CSMD1: variants seen among roughly 807,000 people sequenced by gnomAD.
The protein encoded by CSMD1 is CUB and sushi domain-containing protein 1.
CSMD1 carries 213 observed loss-of-function variants against 417.5 expected under a neutral mutation model. That is an observed-to-expected ratio of 0.51 (90% CI 0.46 to 0.57). The LOEUF is 0.57. CSMD1 is among the 20% of genes least tolerant of loss of function. The pLI, the probability that CSMD1 is intolerant of heterozygous loss-of-function variation, is 0.00. For synonymous variants in CSMD1, 2,862 were observed against 1,736.8 expected (o/e 1.65, Z -16.11); for missense variants, 6,923 against 4,529.7 (o/e 1.53, Z -15.17).
intron 25 of CSMD1, among the ~76,000 whole-genome samples, chr8:3,294,118 G>A (rs1271700413): frequency 6.6e-6 from 1 of 152,194 alleles, no homozygotes; most frequent in Admixed American, 6.5e-5. Flanking sequence ...CTGGGTATCA[G>A]CAGCAGAGAC....
In CSMD1 at chr8:3,802,906, A is replaced by T. The variant is rs140734673; in HGVS notation, c.819-48864T>A. On this transcript the variant is annotated intron_variant, in intron 5 of 69. Transcript: ENST00000635120. ...AAGAATAGTTTGATTTGACAAAGGAAAACAGGAATTTTGAAAGAACCTACA... is the reference window on the plus strand; with the variant it reads ...AAGAATAGTTTGATTTGACAAAGGATAACAGGAATTTTGAAAGAACCTACA... Among the ~76,000 whole-genome samples the T allele has an allele frequency of 7.2e-5, 11 of 152,314 alleles. No homozygotes were observed. In the East Asian group the frequency reaches 2.1e-3, roughly 29 times the overall value.
chr8:3,441,510 T>C (rs868724231), intron 12 of CSMD1, among the ~76,000 whole-genome samples: 13 of 147,044 alleles, frequency 8.8e-5, no homozygotes, highest in South Asian at 4.3e-4. Flanking sequence ...TATATATATA[T>C]ACACACACAC....
At chr8:3,977,796 A>G (rs1175412271) in intron 5 of CSMD1, among the ~76,000 whole-genome samples, 1 of 152,338 alleles carries the variant, frequency 6.6e-6, no homozygotes, top group East Asian at 1.9e-4. Flanking sequence ...CCAGGCTTTC[A>G]TTACCTATTT....
chr8:4,441,346 C>A (rs986987987), intron 2 of CSMD1, among the ~76,000 whole-genome samples: 1 of 149,766 alleles, frequency 6.7e-6, no homozygotes, highest in Non-Finnish European at 1.5e-5. Flanking sequence ...CAGCTGGCCC[C>A]AAGCAATCCT....
intron 2 of CSMD1, among the ~76,000 whole-genome samples, chr8:4,590,963 G>A (rs574170226): frequency 6.6e-6 from 1 of 152,146 alleles, no homozygotes; most frequent in Admixed American, 6.5e-5. Flanking sequence ...AACACACCTG[G>A]TTGCTGTCTT....
chr8:4,430,811 C>G (rs1380952576), intron 2 of CSMD1, among the ~76,000 whole-genome samples: 1 of 152,132 alleles, frequency 6.6e-6, no homozygotes, highest in African/African-American at 2.4e-5. Flanking sequence ...CAGCGTTTTT[C>G]CTGTCAATTG....
At chr8:3,905,592 C>A (rs1387405426) in intron 5 of CSMD1, among the ~76,000 whole-genome samples, 2 of 152,230 alleles carry the variant, frequency 1.3e-5, no homozygotes, top group Non-Finnish European at 2.9e-5. Context: ...GGACCCCACA[C>A]CCAGAGTTTC....
intron 1 of CSMD1, among the ~76,000 whole-genome samples, chr8:4,952,257 T>C (rs184411042): frequency 4.6e-5 from 7 of 152,088 alleles, no homozygotes; most frequent in Admixed American, 2.6e-4. Flanking sequence ...TTCTATAAGA[T>C]AAACTATTAT....
intron 39 of CSMD1, among the ~76,000 whole-genome samples, chr8:3,155,201 T>A (rs1358397823): frequency 6.6e-6 from 1 of 151,972 alleles, no homozygotes; most frequent in Non-Finnish European, 1.5e-5. Flanking sequence ...TAGAATTGAT[T>A]TCATTGTGAA....
At chr8:3,415,295 T>G (rs926329835) in intron 12 of CSMD1, among the ~76,000 whole-genome samples, 1 of 152,198 alleles carries the variant, frequency 6.6e-6, no homozygotes, top group Non-Finnish European at 1.5e-5. Context: ...TTTTCAAGAA[T>G]ATAATACATT....
intron 29 of CSMD1, among the ~76,000 whole-genome samples, chr8:3,215,200 C>T (rs11988224): frequency 0.3 from 46,182 of 152,014 alleles, 7,339 homozygotes; most frequent in African/African-American, 0.41. Context: ...CGAATAACAA[C>T]AGACAGACTT....
At chr8:3,944,728 C>A (rs1811108835) in intron 5 of CSMD1, among the ~76,000 whole-genome samples, 1 of 152,086 alleles carries the variant, frequency 6.6e-6, no homozygotes, top group African/African-American at 2.4e-5. Flanking sequence ...GACAATATTT[C>A]AAAATAATGC....
chr8:4,762,614 G>A (rs977102768), intron 1 of CSMD1, among the ~76,000 whole-genome samples: 2 of 151,944 alleles, frequency 1.3e-5, no homozygotes, highest in Non-Finnish European at 2.9e-5. Context: ...CTGAGTGATG[G>A]GCCCCGCATT....
At chr8:3,445,321 G>C (rs1815230103) in intron 12 of CSMD1, among the ~76,000 whole-genome samples, 1 of 152,054 alleles carries the variant, frequency 6.6e-6, no homozygotes, top group East Asian at 1.9e-4. Context: ...ATATATCCTG[G>C]GTACCTATCA....
At chr8:3,284,067 A>G in intron 26 of CSMD1, 77 bp downstream of exon 26, 1 of 1,178,978 alleles carries the variant, frequency 8.5e-7, no homozygotes, top group Non-Finnish European at 1.2e-6. Context: ...ACGCTGGTGA[A>G]TATAAATGGA....
chr8:3,726,522 T>G (rs1802507217), intron 6 of CSMD1, among the ~76,000 whole-genome samples: 1 of 152,168 alleles, frequency 6.6e-6, no homozygotes, highest in South Asian at 2.1e-4. Context: ...ACACCTTTAT[T>G]CTCTTGCATA....
At chr8:4,424,915 T>C (rs1231266858) in intron 2 of CSMD1, among the ~76,000 whole-genome samples, 4 of 152,040 alleles carry the variant, frequency 2.6e-5, no homozygotes, top group Non-Finnish European at 4.4e-5. Context: ...CATTAAATAA[T>C]TAAATACATT....
intron 1 of CSMD1, among the ~76,000 whole-genome samples, chr8:4,879,160 T>C (rs1356109188): frequency 6.6e-6 from 1 of 151,852 alleles, no homozygotes; most frequent in African/African-American, 2.4e-5. Context: ...TTAAAAAATA[T>C]AATAAAGGAA....
chr8:4,712,392 T>G (rs541805235), intron 1 of CSMD1, among the ~76,000 whole-genome samples: 5 of 152,316 alleles, frequency 3.3e-5, no homozygotes, highest in African/African-American at 1.2e-4. Context: ...TCTAATAATC[T>G]GTAGGTCAAA....
Sources: allele counts gnomAD v4.1 joint callset (sites outside exome capture counted in the v4.1 genomes callset), GRCh38; gene constraint gnomAD v4.1.1; transcripts MANE v1.5; gene names NCBI Gene and HGNC (gene_info 2026-07-23, HGNC 2026-07-21).